DNAJC1: variants seen among roughly 807,000 people sequenced by gnomAD.
DNAJC1 encodes the protein dnaJ homolog subfamily C member 1.
DNAJC1 carries 58 observed loss-of-function variants against 76.6 expected under a neutral mutation model. The observed-to-expected ratio is 0.76, with a 90% confidence interval of 0.61 to 0.94. DNAJC1 has a LOEUF of 0.94. Ranked by LOEUF, DNAJC1 falls within the 40% of genes least tolerant of loss-of-function variation. The pLI, the probability that DNAJC1 is intolerant of heterozygous loss-of-function variation, is 0.00. For synonymous variants in DNAJC1, 258 were observed against 267.9 expected (o/e 0.96, Z 0.36); for missense variants, 689 against 677.3 (o/e 1.02, Z -0.19).
chr10:21,794,949 A>G (rs1834735643), intron 9 of DNAJC1, among the ~76,000 whole-genome samples: 1 of 152,050 alleles, frequency 6.6e-6, no homozygotes, highest in Non-Finnish European at 1.5e-5. Flanking sequence ...CCAGCTGAGC[A>G]TTCTGAATCT....
intron 1 of DNAJC1, among the ~76,000 whole-genome samples, chr10:21,999,985 C>A (rs1489970127): frequency 6.6e-6 from 1 of 152,112 alleles, no homozygotes; most frequent in Admixed American, 6.6e-5. Flanking sequence ...TAACAGACAC[C>A]CCAAATTTAG....
chr10:21,782,946 A>G (rs955147958), intron 9 of DNAJC1, among the ~76,000 whole-genome samples: 1 of 152,226 alleles, frequency 6.6e-6, no homozygotes, highest in Non-Finnish European at 1.5e-5. Flanking sequence ...CCAATATCAC[A>G]TTGAATTGAC....
chr10:21,874,639 A>G (rs1322906494), intron 8 of DNAJC1, among the ~76,000 whole-genome samples: 2 of 152,178 alleles, frequency 1.3e-5, no homozygotes, highest in Non-Finnish European at 2.9e-5. Context: ...AGATCAGAGA[A>G]TTGCTAACTG....
At chr10:21,918,530 G>GT (rs762499225) in intron 6 of DNAJC1, among the ~76,000 whole-genome samples, 6 of 151,692 alleles carry the variant, frequency 4.0e-5, no homozygotes, top group South Asian at 2.1e-4. Context: ...AAGATAGTAT[G>GT]TTTTTTTCTT....
chr10:21,937,868 G>A (rs1370472626), intron 1 of DNAJC1, among the ~76,000 whole-genome samples: 1 of 151,968 alleles, frequency 6.6e-6, no homozygotes, highest in Admixed American at 6.6e-5. Context: ...TAAACAACAA[G>A]TAATCAAAAA....
intron 1 of DNAJC1, among the ~76,000 whole-genome samples, chr10:21,985,848 T>G (rs147311584): frequency 0.014 from 2,113 of 152,294 alleles, 23 homozygotes; most frequent in Middle Eastern, 0.068. Flanking sequence ...GTACAAGTCT[T>G]TGTGTGGACA....
intron 1 of DNAJC1, among the ~76,000 whole-genome samples, chr10:21,987,403 G>A (rs960048449): frequency 6.6e-6 from 1 of 152,102 alleles, no homozygotes; most frequent in East Asian, 1.9e-4. Context: ...TTGAATTAAA[G>A]AGAGACAGTA....
intron 6 of DNAJC1, among the ~76,000 whole-genome samples, chr10:21,907,801 G>A (rs1836770346): frequency 6.7e-6 from 1 of 150,012 alleles, no homozygotes; most frequent in East Asian, 2.0e-4. Context: ...ACATGGTGAA[G>A]CCCCATGTGT....
At chr10:21,809,904 T>C (rs1177270202) in intron 8 of DNAJC1, among the ~76,000 whole-genome samples, 1 of 151,992 alleles carries the variant, frequency 6.6e-6, no homozygotes, top group Non-Finnish European at 1.5e-5. Context: ...GACTTGCAGT[T>C]GGCTGCCTTC....
chr10:21,783,696 A>C (rs1290185691), intron 9 of DNAJC1, among the ~76,000 whole-genome samples: 1 of 152,250 alleles, frequency 6.6e-6, no homozygotes, highest in African/African-American at 2.4e-5. Context: ...ACTGATACCA[A>C]AACAGAGATA....
intron 8 of DNAJC1, among the ~76,000 whole-genome samples, chr10:21,808,445 C>A (rs1834916284): frequency 6.6e-6 from 1 of 152,012 alleles, no homozygotes; most frequent in Non-Finnish European, 1.5e-5. Context: ...ACTGCTATGA[C>A]AGTCTTAAGT....
intron 6 of DNAJC1, among the ~76,000 whole-genome samples, chr10:21,908,135 TA>T (rs1238859728): frequency 6.5e-5 from 7 of 106,918 alleles, no homozygotes; most frequent in East Asian, 2.3e-4. Flanking sequence ...ATATAATATA[TA>T]AAAATATATA....
chr10:21,976,605 G>A (rs1172895454), intron 1 of DNAJC1, among the ~76,000 whole-genome samples: 1 of 152,164 alleles, frequency 6.6e-6, no homozygotes, highest in Non-Finnish European at 1.5e-5. Context: ...TAGTGGGGGA[G>A]AGTTAAAAGG....
intron 1 of DNAJC1, among the ~76,000 whole-genome samples, chr10:21,962,144 G>C (rs1837804428): frequency 6.6e-6 from 1 of 151,924 alleles, no homozygotes; most frequent in Non-Finnish European, 1.5e-5. Context: ...ATTGTAACTA[G>C]TACATAATAC....
At chr10:21,966,947 A>G (rs1239898234) in intron 1 of DNAJC1, among the ~76,000 whole-genome samples, 4 of 151,024 alleles carry the variant, frequency 2.6e-5, no homozygotes, top group African/African-American at 9.7e-5. Context: ...TCGGCCTCCC[A>G]AAGTGCTGGG....
intron 6 of DNAJC1, among the ~76,000 whole-genome samples, chr10:21,909,574 A>G (rs1183217981): frequency 1.3e-5 from 2 of 152,206 alleles, no homozygotes; most frequent in Non-Finnish European, 2.9e-5. Flanking sequence ...CAATAAATAA[A>G]GTTTGTTGAA....
chr10:21,943,383 C>A (rs1837452511), intron 1 of DNAJC1, among the ~76,000 whole-genome samples: 1 of 152,176 alleles, frequency 6.6e-6, no homozygotes, highest in Non-Finnish European at 1.5e-5. Flanking sequence ...CAGAGGGTGC[C>A]TCAGTAGTTA....
chr10:21,954,615 C>T (rs1365915915), intron 1 of DNAJC1, among the ~76,000 whole-genome samples: 1 of 152,064 alleles, frequency 6.6e-6, no homozygotes, highest in East Asian at 1.9e-4. Context: ...AGAAACTCCC[C>T]CAAATTACTA....
chr10:21,957,440 A>G (rs923675662), intron 1 of DNAJC1, among the ~76,000 whole-genome samples: 1 of 152,158 alleles, frequency 6.6e-6, no homozygotes, highest in Non-Finnish European at 1.5e-5. Context: ...AGTATATATA[A>G]AAGTTTCCAT....
Sources: allele counts gnomAD v4.1 joint callset (sites outside exome capture counted in the v4.1 genomes callset), GRCh38; gene constraint gnomAD v4.1.1; transcripts MANE v1.5; gene names NCBI Gene and HGNC (gene_info 2026-07-23, HGNC 2026-07-21).